MMP26: variants seen among roughly 807,000 people sequenced by gnomAD.
The protein encoded by MMP26 is matrix metalloproteinase-26.
A neutral mutation model predicts 31.0 loss-of-function variants in MMP26; 33 were observed. That is an observed-to-expected ratio of 1.06 (90% confidence interval 0.81 to 1.42). The LOEUF (loss-of-function observed/expected upper bound fraction) is 1.42. Ranked by LOEUF, MMP26 falls within the 40% of genes most tolerant of loss-of-function variation. MMP26 has a pLI of 0.00. For synonymous variants in MMP26, 122 were observed against 114.9 expected (o/e 1.06, Z -0.40); for missense variants, 347 against 316.1 (o/e 1.10, Z -0.74).
intron 2 of MMP26, among the ~76,000 whole-genome samples, chr11:4,892,719 A>G (rs1443506260): frequency 6.6e-6 from 1 of 152,152 alleles, no homozygotes; most frequent in Non-Finnish European, 1.5e-5. Context: ...TAATTTCTAT[A>G]TGAGGATGTT....
chr11:4,946,403 T>G (rs1846305464), intron 2 of MMP26: 4 of 1,613,342 alleles, frequency 2.5e-6, no homozygotes, highest in Non-Finnish European at 3.4e-6. Flanking sequence ...AAGCTGCTCC[T>G]TTTTGGATGC....
intron 2 of MMP26, among the ~76,000 whole-genome samples, chr11:4,774,440 T>C (rs1234633845): frequency 6.6e-6 from 1 of 152,194 alleles, no homozygotes; most frequent in Non-Finnish European, 1.5e-5. Context: ...GAGAAGTGTC[T>C]GTTTATGCCC....
intron 2 of MMP26, among the ~76,000 whole-genome samples, chr11:4,868,554 A>G (rs973997933): frequency 1.3e-5 from 2 of 152,192 alleles, no homozygotes; most frequent in African/African-American, 4.8e-5. Context: ...ACCACTGCTC[A>G]AGGAAATAAA....
intron 2 of MMP26, among the ~76,000 whole-genome samples, chr11:4,977,915 C>A (rs1373869489): frequency 2.0e-5 from 3 of 152,026 alleles, no homozygotes; most frequent in Non-Finnish European, 4.4e-5. Flanking sequence ...TGTGTCCCCA[C>A]CCAAATCTCA....
chr11:4,789,264 T>G (rs969954264), intron 2 of MMP26, among the ~76,000 whole-genome samples: 1 of 152,204 alleles, frequency 6.6e-6, no homozygotes, highest in Non-Finnish European at 1.5e-5. Flanking sequence ...TTGATTGGTT[T>G]GATTTATGTT....
Position 4,738,002 on chromosome 11 carries a change from T to C in MMP26, c.-216-29268T>C, listed in dbSNP as rs542257780. Among the ~76,000 whole-genome samples, 12 of 152,286 alleles carry C rather than the reference T, an allele frequency of 7.9e-5. 1 individual carries two copies. The South Asian group carries it at 2.5e-3, about 32-fold the overall frequency. ...CCACTATTTTTCGTTTGTTTGCTTT[T>C]TGTGGAGACTCAAACTCTTGGCCTC... is the stretch of plus-strand genomic sequence containing the variant. On this transcript the variant is annotated intron_variant, in intron 1 of 7. Transcript: ENST00000380390.
At chr11:4,830,872 T>C (rs571539478) in intron 2 of MMP26, among the ~76,000 whole-genome samples, 7 of 149,262 alleles carry the variant, frequency 4.7e-5, no homozygotes, top group African/African-American at 1.5e-4. Flanking sequence ...AAAAAATCCG[T>C]GAACAGACAA....
At chr11:4,719,536 C>G (rs997369413) in intron 1 of MMP26, 4 of 153,460 alleles carry the variant, frequency 2.6e-5, no homozygotes, top group Admixed American at 2.0e-4. Context: ...GCTAAAAGTA[C>G]TCCATTGTAG....
At chr11:4,924,635 T>C (rs1279822325) in intron 2 of MMP26, among the ~76,000 whole-genome samples, 1 of 152,192 alleles carries the variant, frequency 6.6e-6, no homozygotes, top group East Asian at 1.9e-4. Flanking sequence ...AAGGGGAATT[T>C]GGGACTTCGT....
intron 2 of MMP26, among the ~76,000 whole-genome samples, chr11:4,771,305 C>T (rs538051764): frequency 6.6e-6 from 1 of 152,064 alleles, no homozygotes; most frequent in Non-Finnish European, 1.5e-5. Context: ...AAAATGAGGA[C>T]CATCATTTGC....
chr11:4,901,961 G>GGGGA, intron 2 of MMP26, among the ~76,000 whole-genome samples: 1 of 152,172 alleles, frequency 6.6e-6, no homozygotes, highest in Non-Finnish European at 1.5e-5. Context: ...CTACATACTT[G>GGGGA]ATAATCGAAT....
intron 2 of MMP26, among the ~76,000 whole-genome samples, chr11:4,805,740 C>G (rs761172489): frequency 2.6e-5 from 4 of 152,182 alleles, no homozygotes; most frequent in Admixed American, 6.5e-5. Context: ...CTATTGACTA[C>G]CTTGAGGCCA....
At chr11:4,723,497 C>T (rs1022556343) in intron 1 of MMP26, 5 of 1,125,676 alleles carry the variant, frequency 4.4e-6, no homozygotes, top group South Asian at 3.7e-5. Flanking sequence ...GGGATCTCCT[C>T]TTCATACAGC....
chr11:4,844,309 G>A (rs981647954), intron 2 of MMP26, among the ~76,000 whole-genome samples: 4 of 152,068 alleles, frequency 2.6e-5, no homozygotes, highest in Admixed American at 1.3e-4. Context: ...CCTGGGATAC[G>A]ATGGATTCAC....
In MMP26 at chr11:4,874,919, AACTC is replaced by A. The variant is rs1850358848; in HGVS notation, c.-145+107580_-145+107583del. On this transcript the variant is annotated intron_variant, in intron 2 of 7. Transcript: ENST00000380390. ...TACAGTGAGAAATGTAGTTGCTGCT[AACTC>A]AAGATGACATTTATTAGAACAGCCA... Among the ~76,000 whole-genome samples, 3 of 152,254 alleles carry A rather than the reference AACTC, an allele frequency of 2.0e-5. No homozygotes were observed. The South Asian group carries it at 6.2e-4, about 32-fold the overall frequency.
intron 2 of MMP26, among the ~76,000 whole-genome samples, chr11:4,936,219 G>C (rs1380343272): frequency 2.0e-5 from 3 of 149,096 alleles, no homozygotes; most frequent in South Asian, 2.2e-4. Flanking sequence ...GACTCTTTTT[G>C]GTTGGTAAAC....
chr11:4,917,149 A>AT (rs1351596501), intron 2 of MMP26, among the ~76,000 whole-genome samples: 3 of 59,332 alleles, frequency 5.1e-5, no homozygotes, highest in Non-Finnish European at 1.1e-4. Flanking sequence ...GATGCCAAGA[A>AT]TGTTTTTTTG....
intron 1 of MMP26, among the ~76,000 whole-genome samples, chr11:4,766,667 A>G (rs1848632404): frequency 7.0e-6 from 1 of 142,258 alleles, no homozygotes; most frequent in South Asian, 2.3e-4. Context: ...TTTAAGTTAC[A>G]TCCTTAATTT....
intron 2 of MMP26, chr11:4,848,199 A>AG (rs1200010577): frequency 1.3e-6 from 2 of 1,550,830 alleles, no homozygotes; most frequent in South Asian, 2.5e-5. Context: ...CTTTAGTATC[A>AG]GGAGCCCTGT....
Sources: gnomAD v4.1 joint callset for allele counts (sites outside exome capture counted in the v4.1 genomes callset) on GRCh38, gnomAD v4.1.1 for gene constraint, MANE v1.5 for transcripts, NCBI Gene and HGNC (gene_info 2026-07-23, HGNC 2026-07-21) for gene names.